Variants in CCDC77 observed in about 807,000 individuals in gnomAD.
CCDC77 encodes coiled-coil domain-containing protein 77.
CCDC77 carries 56 observed loss-of-function variants against 66.8 expected under a neutral mutation model. That is an observed-to-expected ratio of 0.84 (90% CI 0.68 to 1.05). The LOEUF (loss-of-function observed/expected upper bound fraction) is 1.05. Ranked by LOEUF, CCDC77 falls within the 50% of genes least tolerant of loss-of-function variation. The pLI, the probability that CCDC77 is intolerant of heterozygous loss-of-function variation, is 0.00. For missense variants in CCDC77, 570 were observed against 576.8 expected (o/e 0.99, Z 0.12); for synonymous variants, 196 against 195.2 (o/e 1.00, Z -0.03).
At chr12:413,615 C>T (rs1353514915) in intron 4 of CCDC77, among the ~76,000 whole-genome samples, 1 of 148,334 alleles carries the variant, frequency 6.7e-6, no homozygotes, top group African/African-American at 2.5e-5. Context: ...CTTTCCCATT[C>T]ACTGAATGGG....
chr12:427,116 G>GCT (rs1945549461), intron 5 of CCDC77, among the ~76,000 whole-genome samples: 2 of 152,208 alleles, frequency 1.3e-5, no homozygotes, highest in Admixed American at 6.5e-5. Context: ...ATTGTGGCAT[G>GCT]CGCCTGTAGT....
rs1487271649 is a variant in CCDC77 at position 442,001 on chromosome 12, A to G, written c.*81A>G. ...GGACAAGGTCATCTGCTGCCAGAAA[A>G]TGTAAACCTGAGTTGACTAGAGTGG... is the stretch of plus-strand genomic sequence containing the variant. On this transcript the variant is annotated 3_prime_UTR_variant, in exon 13 of 13. Coordinates refer to ENST00000239830, the MANE Select transcript of CCDC77 (RefSeq NM_032358.4). 1.4e-5 allele frequency: 20 copies of G among 1,477,822 alleles called. No homozygotes were observed. Among genetic ancestry groups the G allele is most frequent in the Non-Finnish European group, 1.7e-5 (18 of 1,067,066 alleles). 91.5% of individuals were successfully genotyped at this position (1,477,822 alleles called of 1,614,324 possible). A position where few individuals can be genotyped will look rare whatever the true frequency, so the allele number is the denominator to read the frequency against.
At chr12:430,818 C>T (rs55854088) in intron 7 of CCDC77, 82 bp downstream of exon 7, 309,656 of 1,077,628 alleles carry the variant, frequency 0.29, 50,494 homozygotes, top group Admixed American at 0.55. Context: ...GTGGCTCACG[C>T]CTGTAATCCC....
At chr12:409,271 A>G (rs762319585) in intron 2 of CCDC77, 97 bp from the exon 3 acceptor site, 46 of 825,490 alleles carry the variant, frequency 5.6e-5, no homozygotes, top group Non-Finnish European at 8.7e-5. Flanking sequence ...TCCAAGAAGC[A>G]AATATGATGA....
At chr12:406,853 A>G (rs943257922) in intron 2 of CCDC77, among the ~76,000 whole-genome samples, 48 of 152,234 alleles carry the variant, frequency 3.2e-4, no homozygotes, top group African/African-American at 1.1e-3. Flanking sequence ...AGGCTGAGAC[A>G]GGAGAATCAC....
intron 4 of CCDC77, among the ~76,000 whole-genome samples, chr12:417,805 G>C (rs1945316465): frequency 6.6e-6 from 1 of 152,026 alleles, no homozygotes; most frequent in Admixed American, 6.6e-5. Context: ...AGGAGGCTGA[G>C]ACAGAAGAAT....
chr12:394,909 G>A (rs1486359188), intron 1 of CCDC77, among the ~76,000 whole-genome samples: 1 of 152,182 alleles, frequency 6.6e-6, no homozygotes, highest in African/African-American at 2.4e-5. Flanking sequence ...AACAAAAAAA[G>A]ACAAAGTATC....
At chr12:428,417 A>G (rs539667467) in intron 5 of CCDC77, among the ~76,000 whole-genome samples, 70 of 149,374 alleles carry the variant, frequency 4.7e-4, no homozygotes, top group African/African-American at 1.7e-3. Flanking sequence ...AGGCTGAGGC[A>G]GGAGAATGGC....
chr12:416,525 C>T (rs1945288771), intron 4 of CCDC77, among the ~76,000 whole-genome samples: 1 of 148,690 alleles, frequency 6.7e-6, no homozygotes, highest in African/African-American at 2.5e-5. Flanking sequence ...AGCAATTGTC[C>T]TGCCTCAGCC....
At chr12:414,321 A>C (rs543503744) in intron 4 of CCDC77, among the ~76,000 whole-genome samples, 1 of 150,412 alleles carries the variant, frequency 6.6e-6, no homozygotes, top group East Asian at 2.0e-4. Flanking sequence ...CAAACTCCTG[A>C]CCTTGTGATC....
chr12:418,928 G>A (rs1438882729), intron 5 of CCDC77: 1 of 304,400 alleles, frequency 3.3e-6, no homozygotes, highest in South Asian at 4.4e-5. Flanking sequence ...CGAACTCTTG[G>A]CCTCAAGTGA....
intron 4 of CCDC77, among the ~76,000 whole-genome samples, chr12:415,825 G>A (rs1945245113): frequency 1.1e-5 from 1 of 95,052 alleles, no homozygotes; most frequent in South Asian, 2.8e-4. Context: ...TTTATTTTGA[G>A]ATGAAGTCTT....
intron 4 of CCDC77, among the ~76,000 whole-genome samples, chr12:413,267 T>C (rs1299708815): frequency 2.5e-5 from 3 of 122,418 alleles, no homozygotes; most frequent in South Asian, 2.6e-4. Context: ...GACAGCGTCT[T>C]ACTCTGTCGC....
chr12:411,505 A>T (rs1370861708), intron 3 of CCDC77, among the ~76,000 whole-genome samples: 1 of 151,448 alleles, frequency 6.6e-6, no homozygotes, highest in Non-Finnish European at 1.5e-5. Flanking sequence ...TTAAATAAAG[A>T]CAGGGTTTCA....
At chr12:393,372 C>CA (rs1565559227) in intron 1 of CCDC77, among the ~76,000 whole-genome samples, 3 of 152,152 alleles carry the variant, frequency 2.0e-5, no homozygotes, top group African/African-American at 7.2e-5. Context: ...CTCGGCCCCC[C>CA]AAAGTGCTGC....
chr12:430,564 CTAATT>C (rs1450906744), intron 6 of CCDC77, 95 bp from the exon 7 acceptor site: 1 of 859,924 alleles, frequency 1.2e-6, no homozygotes, highest in Non-Finnish European at 2.0e-6. Context: ...TCAGTTTTGA[CTAATT>C]TAACTTCTAG....
At chr12:393,574 C>G (rs1396286568) in intron 1 of CCDC77, among the ~76,000 whole-genome samples, 1 of 151,530 alleles carries the variant, frequency 6.6e-6, no homozygotes, top group East Asian at 1.9e-4. Context: ...GCCCTTCCCC[C>G]AGGCTGGAGT....
intron 4 of CCDC77, among the ~76,000 whole-genome samples, chr12:418,264 G>T (rs533495908): frequency 4.6e-5 from 7 of 152,346 alleles, no homozygotes; most frequent in African/African-American, 1.7e-4. Context: ...AGTGAGCTGA[G>T]ATCGTGCCAC....
upstream of CCDC77, among the ~76,000 whole-genome samples, chr12:399,175 A>AT (rs36027759): frequency 0.091 from 13,376 of 147,034 alleles, 1,157 homozygotes; most frequent in African/African-American, 0.23. Context: ...CTTATGAAAT[A>AT]TTTTTTTTTT....
Sources: allele counts gnomAD v4.1 joint callset (sites outside exome capture counted in the v4.1 genomes callset), GRCh38; gene constraint gnomAD v4.1.1; transcripts MANE v1.5; gene names NCBI Gene and HGNC (gene_info 2026-07-23, HGNC 2026-07-21).